The following PTPRT variants were observed in gnomAD, a reference collection of about 807,000 sequenced individuals.
PTPRT encodes protein tyrosine phosphatase receptor type T, also known as receptor-type tyrosine-protein phosphatase T.
Under a neutral mutation model 176.8 loss-of-function variants are expected in PTPRT, and 56 were observed. The observed-to-expected ratio is 0.32, with a 90% CI of 0.26 to 0.40. The LOEUF is 0.40. Among genes scored for constraint, PTPRT ranks in the 10% least tolerant of loss-of-function variants. PTPRT has a pLI of 1.00. For missense variants in PTPRT, 1,540 were observed against 1,908.2 expected, an observed-to-expected ratio of 0.81 and a Z score of 3.60; for synonymous variants, 783 against 739.0, an observed-to-expected ratio of 1.06 and a Z score of -0.96.
intron 8 of PTPRT, among the ~76,000 whole-genome samples, chr20:42,456,104 A>C (rs992454414): frequency 6.6e-6 from 1 of 152,030 alleles, no homozygotes; most frequent in Non-Finnish European, 1.5e-5. Flanking sequence ...TTATAGATTT[A>C]TACGTACATC....
intron 1 of PTPRT, among the ~76,000 whole-genome samples, chr20:43,152,496 C>T (rs2014391884): frequency 6.6e-6 from 1 of 152,190 alleles, no homozygotes. Context: ...CTGCCCCCTG[C>T]TAGACTACGT....
At chr20:42,886,980 G>A (rs2079113261) in intron 1 of PTPRT, among the ~76,000 whole-genome samples, 1 of 152,188 alleles carries the variant, frequency 6.6e-6, no homozygotes. Flanking sequence ...GAGTTCTACA[G>A]CAGCCTCCTG....
chr20:42,417,451 G>A (rs1466841511), intron 9 of PTPRT, among the ~76,000 whole-genome samples: 3 of 151,874 alleles, frequency 2.0e-5, no homozygotes, highest in Admixed American at 2.0e-4. Context: ...CACAAAAAGA[G>A]GCTACCCCTA....
At chr20:42,356,888 G>C (rs1209761967) in intron 9 of PTPRT, among the ~76,000 whole-genome samples, 1 of 152,126 alleles carries the variant, frequency 6.6e-6, no homozygotes, top group Non-Finnish European at 1.5e-5. Context: ...TTCTGCCACA[G>C]GAACTTGCAC....
intron 7 of PTPRT, among the ~76,000 whole-genome samples, chr20:42,513,020 C>T (rs920099195): frequency 6.6e-6 from 1 of 152,012 alleles, no homozygotes; most frequent in Non-Finnish European, 1.5e-5. Flanking sequence ...CCACCACACC[C>T]AGCTCATTTT....
chr20:42,563,890 C>T (rs1422037180), intron 7 of PTPRT, among the ~76,000 whole-genome samples: 3 of 152,158 alleles, frequency 2.0e-5, no homozygotes, highest in African/African-American at 4.8e-5. Context: ...CTTTTTCGCT[C>T]GTGTCACAGT....
chr20:42,235,661 T>C (rs1182120285), intron 15 of PTPRT, among the ~76,000 whole-genome samples: 4 of 152,124 alleles, frequency 2.6e-5, no homozygotes, highest in Non-Finnish European at 5.9e-5. Context: ...GCACTGATAA[T>C]ATGAGATAAA....
intron 2 of PTPRT, among the ~76,000 whole-genome samples, chr20:42,809,240 G>T (rs1329633189): frequency 6.6e-6 from 1 of 152,196 alleles, no homozygotes; most frequent in African/African-American, 2.4e-5. Context: ...GCTTGGCAGG[G>T]AAAGTGAGCC....
chr20:43,061,087 A>AATGGATGGATAG lies in PTPRT; in HGVS notation c.88+128558_88+128559insCTATCCATCCAT, dbSNP rs1555825211. ...GGGTGAGTGGATGGGCGGATAAATG[A>AATGGATGGATAG]ATGGATGGATGGATGGATGGATGGA... On this transcript the variant is annotated intron_variant, in intron 1 of 30. Coordinates refer to ENST00000373187, the MANE Select transcript of PTPRT (RefSeq NM_007050.6). Among the ~76,000 whole-genome samples the AATGGATGGATAG allele has an allele frequency of 3.7e-3, 553 of 150,020 alleles. 5 individuals are homozygous for AATGGATGGATAG. The highest frequency in any genetic ancestry group is 0.013 in the African/African-American group (535 of 40,912).
intron 1 of PTPRT, among the ~76,000 whole-genome samples, chr20:43,127,220 G>A (rs1026336861): frequency 1.2e-4 from 19 of 152,140 alleles, no homozygotes; most frequent in African/African-American, 4.6e-4. Context: ...TCAGGAGATG[G>A]AGACCATCCT....
intron 7 of PTPRT, among the ~76,000 whole-genome samples, chr20:42,610,085 T>A (rs1225894699): frequency 6.6e-6 from 1 of 152,156 alleles, no homozygotes; most frequent in Admixed American, 6.5e-5. Context: ...GAACTTTCCT[T>A]CTCTGGAACA....
chr20:42,300,756 G>GTATTATTAT lies in PTPRT; in HGVS notation c.2139+14958_2139+14966dup, dbSNP rs533576322. Among the ~76,000 whole-genome samples, 496 of 148,022 alleles carry GTATTATTAT rather than the reference G, an allele frequency of 3.4e-3. 2 individuals carry two copies. The highest frequency in any genetic ancestry group is 7.1e-3 in the Middle Eastern group (2 of 282). ...TCATTTGGCAAACATCTTTTTATTT[G>GTATTATTAT]TATTATTATTATTATTATTATTATT... On this transcript the variant is annotated intron_variant, in intron 12 of 30. Coordinates refer to ENST00000373187, the MANE Select transcript of PTPRT (RefSeq NM_007050.6).
At chr20:43,153,848 A>C (rs2014439145) in intron 1 of PTPRT, among the ~76,000 whole-genome samples, 1 of 152,202 alleles carries the variant, frequency 6.6e-6, no homozygotes, top group Non-Finnish European at 1.5e-5. Context: ...AGGATGAATA[A>C]ATTATAGCAA....
rs139291196 is a variant in PTPRT at position 42,550,527 on chromosome 20, T to G, written c.1154-77965A>C. Among the ~76,000 whole-genome samples the G allele has an allele frequency of 2.1e-3, 315 of 152,190 alleles. 2 individuals are homozygous for G. The highest frequency in any genetic ancestry group is 0.01 in the Middle Eastern group (3 of 294). On this transcript the variant is annotated intron_variant, in intron 7 of 30. Coordinates refer to ENST00000373187, the MANE Select transcript of PTPRT (RefSeq NM_007050.6). ...CACCTCAAAACACACAACCAGTGAA[T>G]AGCAGACCTAGTTGCATTCTTGATC... is the stretch of plus-strand genomic sequence containing the variant.
intron 7 of PTPRT, among the ~76,000 whole-genome samples, chr20:42,533,194 A>T (rs1211499683): frequency 2.6e-5 from 4 of 152,284 alleles, no homozygotes; most frequent in African/African-American, 9.6e-5. Flanking sequence ...AAGGCTGAGA[A>T]ATTGATGAAA....
chr20:42,698,193 C>G (rs2075913765), intron 6 of PTPRT, among the ~76,000 whole-genome samples: 1 of 152,128 alleles, frequency 6.6e-6, no homozygotes, highest in African/African-American at 2.4e-5. Context: ...AGTGTGTACT[C>G]AAGATTGACC....
chr20:42,638,292 C>G (rs2074654467), intron 7 of PTPRT, among the ~76,000 whole-genome samples: 1 of 152,072 alleles, frequency 6.6e-6, no homozygotes, highest in African/African-American at 2.4e-5. Context: ...GGAAGCTTAT[C>G]TAAATCTTAC....
Position 42,072,974 on chromosome 20 carries a change from G to GAAA in PTPRT, c.*7902_*7904dup. The GAAA allele has an allele frequency of 9.4e-6, 2 of 211,656 alleles. No homozygotes were observed. Among genetic ancestry groups the GAAA allele is most frequent in the South Asian group, 1.9e-4 (1 of 5,212 alleles). 13.1% of individuals were successfully genotyped at this position (211,656 alleles called of 1,614,324 possible). On this transcript the variant is annotated 3_prime_UTR_variant, in exon 31 of 31. Coordinates refer to ENST00000373187, the MANE Select transcript of PTPRT (RefSeq NM_007050.6). ...TGCTTTTCTGAGCTAGAATTGAAAA[G>GAAA]AAAAAAAAAACATTGACAGCACAGT...
chr20:42,523,361 A>G (rs2072211529), intron 7 of PTPRT, among the ~76,000 whole-genome samples: 1 of 152,096 alleles, frequency 6.6e-6, no homozygotes, highest in Non-Finnish European at 1.5e-5. Flanking sequence ...TGAACACAGA[A>G]TTCATTTTTC....
Sources: allele counts gnomAD v4.1 joint callset (sites outside exome capture counted in the v4.1 genomes callset), GRCh38; gene constraint gnomAD v4.1.1; transcripts MANE v1.5; gene names NCBI Gene and HGNC (gene_info 2026-07-23, HGNC 2026-07-21).